The following SEMA4D variants were observed in gnomAD, a reference collection of about 807,000 sequenced individuals.
SEMA4D encodes the protein semaphorin 4D, also known as semaphorin-4D.
In SEMA4D, 22 loss-of-function variants were observed where a neutral mutation model predicts 74.8. The observed-to-expected ratio is 0.29, with a 90% CI of 0.21 to 0.42. SEMA4D has a LOEUF of 0.42. Among genes scored for constraint, SEMA4D ranks in the 10% least tolerant of loss-of-function variants. The probability of loss-of-function intolerance (pLI) is 1.00; values close to 1 mark genes in which losing one functional copy is unlikely to be tolerated. For missense variants in SEMA4D, 937 were observed against 1,118.4 expected (o/e 0.84, Z 2.31); for synonymous variants, 445 against 463.7 (o/e 0.96, Z 0.52).
chr9:89,443,367 C>T (rs371520028), intron 2 of SEMA4D, among the ~76,000 whole-genome samples: 2 of 152,250 alleles, frequency 1.3e-5, no homozygotes, highest in African/African-American at 4.8e-5. Flanking sequence ...AGTCTCCAGC[C>T]ACCTTCCCAC....
chr9:89,429,124 C>T (rs940427821), intron 2 of SEMA4D, among the ~76,000 whole-genome samples: 10 of 152,214 alleles, frequency 6.6e-5, no homozygotes, highest in African/African-American at 2.2e-4. Flanking sequence ...AGGTTACCCA[C>T]GGGGCAGCCT....
intron 2 of SEMA4D, among the ~76,000 whole-genome samples, chr9:89,435,130 G>T (rs946061197): frequency 6.6e-6 from 1 of 152,264 alleles, no homozygotes; most frequent in East Asian, 1.9e-4. Context: ...GTGCACGGGG[G>T]CTGCACATCC....
At chr9:89,421,319 G>C (rs1391674346) in intron 2 of SEMA4D, among the ~76,000 whole-genome samples, 1 of 152,224 alleles carries the variant, frequency 6.6e-6, no homozygotes, top group African/African-American at 2.4e-5. Context: ...GATGGGGTAG[G>C]CATGCATATT....
intron 2 of SEMA4D, among the ~76,000 whole-genome samples, chr9:89,407,458 G>T (rs183448173): frequency 3.7e-4 from 56 of 152,296 alleles, no homozygotes; most frequent in African/African-American, 1.3e-3. Context: ...ATGAGTCTAT[G>T]CAGACTTGCT....
At chr9:89,364,034 C>A in intron 16 of SEMA4D, 1 of 1,611,090 alleles carries the variant, frequency 6.2e-7, no homozygotes, top group East Asian at 2.2e-5. Context: ...GGGGTTACCT[C>A]TGCTGTCCCA....
intron 1 of SEMA4D, chr9:89,479,761 G>T: frequency 6.1e-6 from 1 of 164,010 alleles, no homozygotes. Flanking sequence ...GCTGGGCTCA[G>T]GAGTGAAGCT....
intron 4 of SEMA4D, among the ~76,000 whole-genome samples, chr9:89,400,043 A>C (rs1168318006): frequency 1.3e-5 from 2 of 148,554 alleles, no homozygotes; most frequent in Admixed American, 1.3e-4. Context: ...GTGACTCTAC[A>C]GTCCAGTTTA....
chr9:89,485,083 G>C (rs1197531702), intron 1 of SEMA4D, among the ~76,000 whole-genome samples: 1 of 152,050 alleles, frequency 6.6e-6, no homozygotes, highest in African/African-American at 2.4e-5. Context: ...TATTGTTGCA[G>C]AAAATCAGAG....
chr9:89,460,793 C>T (rs191791861), intron 1 of SEMA4D, among the ~76,000 whole-genome samples: 390 of 152,376 alleles, frequency 2.6e-3, no homozygotes, highest in Non-Finnish European at 4.3e-3. Flanking sequence ...TGCCCTCCAG[C>T]GTGGAACTCA....
At chr9:89,390,882 A>T (rs958938088) in intron 9 of SEMA4D, among the ~76,000 whole-genome samples, 2 of 152,212 alleles carry the variant, frequency 1.3e-5, no homozygotes, top group African/African-American at 4.8e-5. Context: ...AAACTTCTGT[A>T]TTGGTTCTCT....
At chr9:89,462,292 A>C (rs1348801347) in intron 1 of SEMA4D, among the ~76,000 whole-genome samples, 2 of 152,218 alleles carry the variant, frequency 1.3e-5, no homozygotes, top group Non-Finnish European at 2.9e-5. Flanking sequence ...TCCAGAATTT[A>C]AATACGGTGC....
rs376780512 is a variant in SEMA4D, at chr9:89,370,798, G to A, written c.1882+6035C>T. Among the ~76,000 whole-genome samples the A allele has an allele frequency of 1.3e-4, 19 of 144,254 alleles. No homozygotes were observed. In the East Asian group the frequency reaches 3.4e-3, roughly 26 times the overall value. 94.6% of individuals were successfully genotyped at this position (144,254 alleles called of 152,430 possible). A position where few individuals can be genotyped will look rare whatever the true frequency, so the allele number is the denominator to read the frequency against. On this transcript the variant is annotated intron_variant, in intron 16 of 18. Coordinates refer to the SEMA4D transcript ENST00000339861. The stretch of plus-strand genomic sequence containing the variant: ...TGTGTGGGGTGGGGTGTATGTGTGG[G>A]GTGTGGCATGTGTGTGGGTGTGGTG...
At chr9:89,457,945 A>C (rs1264358442) in intron 1 of SEMA4D, among the ~76,000 whole-genome samples, 1 of 151,664 alleles carries the variant, frequency 6.6e-6, no homozygotes, top group Non-Finnish European at 1.5e-5. Flanking sequence ...AGACAGGAGA[A>C]TCACTAGAAC....
chr9:89,422,062 A>C (rs1291476480), intron 2 of SEMA4D, among the ~76,000 whole-genome samples: 1 of 152,276 alleles, frequency 6.6e-6, no homozygotes, highest in Non-Finnish European at 1.5e-5. Flanking sequence ...AAATTCAAGA[A>C]AGGCAAGAGA....
chr9:89,399,693 C>T (rs1841750109), intron 4 of SEMA4D, among the ~76,000 whole-genome samples: 1 of 152,062 alleles, frequency 6.6e-6, no homozygotes, highest in Non-Finnish European at 1.5e-5. Flanking sequence ...GGCTTTTTTC[C>T]ATCCATTCAA....
chr9:89,396,632 A>G (rs1304050013), intron 6 of SEMA4D, 105 bp downstream of exon 6: 12 of 913,886 alleles, frequency 1.3e-5, no homozygotes, highest in East Asian at 2.9e-5. Context: ...AGAAAATCCT[A>G]TTTTTTTTTA....
chr9:89,454,791 C>T (rs566003584), intron 2 of SEMA4D, among the ~76,000 whole-genome samples: 1 of 152,326 alleles, frequency 6.6e-6, no homozygotes, highest in South Asian at 2.1e-4. Context: ...AGGCCACCCT[C>T]GGGGTGGCGA....
chr9:89,424,501 T>G (rs11265876), intron 2 of SEMA4D, among the ~76,000 whole-genome samples: 48,428 of 152,072 alleles, frequency 0.32, 7,956 homozygotes, highest in Middle Eastern at 0.48. Context: ...CTGAAATGAT[T>G]TAAATCCAAG....
In SEMA4D at chr9:89,381,509, C is replaced by G; in HGVS notation, c.1447-163G>C. On this transcript the variant is annotated intron_variant, in intron 13 of 15. Coordinates refer to ENST00000422704, the MANE Select transcript of SEMA4D (RefSeq NM_001371194.2). The surrounding 1 kb of genome is among the most constrained non-coding windows in gnomAD (Gnocchi z 4.6). ...AGAACCAGAGGCAAACAAGGCAGGT[C>G]TGTGACCTTCCTGCAGAATCCACGT... The G allele has an allele frequency of 1.6e-6, 1 of 620,956 alleles. No individual in the cohort carries two copies. The highest frequency in any genetic ancestry group is 2.6e-6 in the Non-Finnish European group (1 of 383,606). 38.5% of individuals were successfully genotyped at this position (620,956 alleles called of 1,614,324 possible). A position where few individuals can be genotyped will look rare whatever the true frequency, so the allele number is the denominator to read the frequency against.
Sources: gnomAD v4.1 joint callset for allele counts (sites outside exome capture counted in the v4.1 genomes callset) on GRCh38, gnomAD v4.1.1 for gene constraint, Gnocchi (gnomAD v3.1) non-coding constraint, MANE v1.5 for transcripts, NCBI Gene and HGNC (gene_info 2026-07-23, HGNC 2026-07-21) for gene names.